Variants in CARD8 observed in about 807,000 individuals in gnomAD.
CARD8 encodes caspase recruitment domain family member 8, also known as caspase recruitment domain-containing protein 8.
CARD8 carries 38 observed loss-of-function variants against 53.2 expected under a neutral mutation model. The observed-to-expected ratio is 0.71, with a 90% CI of 0.55 to 0.94. The LOEUF (loss-of-function observed/expected upper bound fraction) is 0.94. Ranked by LOEUF, CARD8 falls within the 40% of genes least tolerant of loss-of-function variation. The probability of loss-of-function intolerance (pLI) is 0.00; values close to 1 mark genes in which losing one functional copy is unlikely to be tolerated. For missense variants in CARD8, 561 were observed against 655.5 expected (o/e 0.86, Z 1.57); for synonymous variants, 245 against 244.9 (o/e 1.00, Z 0.00).
intron 5 of CARD8, 39 bp downstream of exon 5, chr19:48,238,344 A>C: frequency 1.3e-6 from 2 of 1,527,770 alleles, no homozygotes; most frequent in Non-Finnish European, 1.7e-6. Flanking sequence ...GCAAAATTCC[A>C]AATCTTTAAT....
rs967043185 is a variant in CARD8 at position 48,238,475 on chromosome 19, T to C, written c.117A>G (p.Ser39=). 3 of 1,536,430 alleles carry C rather than the reference T, an allele frequency of 2.0e-6. No individual in the cohort carries two copies. Among genetic ancestry groups the C allele is most frequent in the Non-Finnish European group, 1.7e-6 (2 of 1,146,978 alleles). ...DASKLIRLQG[S]RKLLVDNSIR... is the part of the protein sequence containing the mutation. Reference sequence around the variant, plus strand: ...TGCTATTGTCAACCAACAGTTTCCGTGATCCTTGTAGTCTAATGAGTTTGG... The same window carrying C: ...TGCTATTGTCAACCAACAGTTTCCGCGATCCTTGTAGTCTAATGAGTTTGG... Residue 39 remains serine (S), a synonymous_variant, in exon 5 of 14, where the codon TCA becomes TCG. Transcript: ENST00000651546.
intron 6 of CARD8, chr19:48,233,113 T>C: frequency 2.8e-6 from 1 of 353,936 alleles, no homozygotes; most frequent in South Asian, 2.2e-5. Context: ...ACAGCCCACA[T>C]CAATTGAATC....
chr19:48,223,769 T>G (rs1216751291), intron 10 of CARD8: 1 of 451,166 alleles, frequency 2.2e-6, no homozygotes, highest in South Asian at 1.6e-5. Context: ...TCTTATCATA[T>G]GCACATATAT....
At chr19:48,247,095 G>A (rs1424498023) in intron 3 of CARD8, among the ~76,000 whole-genome samples, 2 of 148,918 alleles carry the variant, frequency 1.3e-5, no homozygotes, top group Non-Finnish European at 1.5e-5. Flanking sequence ...AGGCCAAGCC[G>A]GGTAGATCAC....
Position 48,218,906 on chromosome 19 carries a change from T to A in CARD8, c.1268A>T (p.His423Leu). Residue 423 changes from histidine to leucine, a missense_variant, in exon 12 of 14, where the codon CAT becomes CTT. Transcript: ENST00000651546. ...CTCAGTATCCCACACCAAAGTCCCA[T>A]GTCTTTTTTCAGTAATCTCAAGTTG... ...PIQLEITEKR[H>L]GTLVWDTEVK... The A allele has an allele frequency of 6.2e-7, 1 of 1,614,182 alleles. No individual in the cohort carries two copies. Among genetic ancestry groups the A allele is most frequent in the Non-Finnish European group, 8.5e-7 (1 of 1,180,014 alleles).
At chr19:48,215,419 G>C (rs1460127745) in intron 12 of CARD8, 35 bp from the exon 13 acceptor site, 5 of 1,440,680 alleles carry the variant, frequency 3.5e-6, no homozygotes, top group South Asian at 2.3e-5. Context: ...GATGAGATGA[G>C]ATAAATCATG....
intron 6 of CARD8, chr19:48,233,442 T>C: frequency 2.2e-6 from 1 of 455,956 alleles, no homozygotes; most frequent in Non-Finnish European, 4.4e-6. Flanking sequence ...TTTACAGCGC[T>C]TTTCTCGGAA....
chr19:48,254,094 T>C (rs1029512906), intron 1 of CARD8, among the ~76,000 whole-genome samples: 1 of 152,202 alleles, frequency 6.6e-6, no homozygotes, highest in Non-Finnish European at 1.5e-5. Context: ...TGAATATATG[T>C]ACAATGAGTT....
intron 3 of CARD8, among the ~76,000 whole-genome samples, chr19:48,242,094 C>T (rs149265730): frequency 1.8e-3 from 266 of 151,954 alleles, no homozygotes; most frequent in African/African-American, 2.0e-3. Context: ...TGTTATGGAC[C>T]GAATGTATGT....
chr19:48,228,195 A>G (rs899844877), intron 10 of CARD8, among the ~76,000 whole-genome samples: 1 of 152,242 alleles, frequency 6.6e-6, no homozygotes, highest in African/African-American at 2.4e-5. Context: ...CAGAAAAAGA[A>G]GCTCAGGGCT....
intron 10 of CARD8, among the ~76,000 whole-genome samples, chr19:48,227,094 A>C (rs1295204186): frequency 1.3e-5 from 2 of 151,892 alleles, no homozygotes; most frequent in Non-Finnish European, 2.9e-5. Flanking sequence ...TCTCAAAAAA[A>C]AAAAAAAAGA....
chr19:48,251,454 C>G (rs1175712858), intron 1 of CARD8, among the ~76,000 whole-genome samples: 2 of 152,160 alleles, frequency 1.3e-5, no homozygotes, highest in Non-Finnish European at 2.9e-5. Flanking sequence ...TTCCCTCTTT[C>G]ATTTTCCTCT....
At chr19:48,223,621 T>G (rs142581932) in intron 10 of CARD8, 2 of 291,262 alleles carry the variant, frequency 6.9e-6, no homozygotes, top group Non-Finnish European at 1.4e-5. Flanking sequence ...AATTAAATTA[T>G]AGTAATAACA....
At chr19:48,223,724 GATTA>G in intron 10 of CARD8, 2 of 401,902 alleles carry the variant, frequency 5.0e-6, no homozygotes, top group Non-Finnish European at 9.9e-6. Flanking sequence ...CATACCACTG[GATTA>G]ATTTTCTTAA....
intron 12 of CARD8, among the ~76,000 whole-genome samples, chr19:48,216,203 G>A (rs757558435): frequency 1.1e-4 from 16 of 151,452 alleles, no homozygotes; most frequent in African/African-American, 3.4e-4. Context: ...AGTAAACAAT[G>A]TAAAAATATT....
At chr19:48,207,333 T>C (rs11083924), downstream of CARD8, among the ~76,000 whole-genome samples, 47,580 of 151,942 alleles carry the variant, frequency 0.31, 7,794 homozygotes, top group East Asian at 0.52. Context: ...GTAGTATACA[T>C]ACCTTTAACT....
intron 3 of CARD8, among the ~76,000 whole-genome samples, chr19:48,248,657 C>T (rs1600722778): frequency 1.3e-5 from 2 of 152,138 alleles, no homozygotes; most frequent in Admixed American, 6.5e-5. Flanking sequence ...AAAACACAGC[C>T]GCTTTGGAGA....
chr19:48,221,915 A>AT (rs1193728011), intron 10 of CARD8, 60 bp from the exon 11 acceptor site: 4 of 1,440,098 alleles, frequency 2.8e-6, no homozygotes, highest in Non-Finnish European at 3.8e-6. Context: ...AAGTAGTGGC[A>AT]TAAAAAGTTA....
intron 5 of CARD8, among the ~76,000 whole-genome samples, chr19:48,235,410 G>A (rs576044593): frequency 2.0e-5 from 3 of 152,162 alleles, no homozygotes; most frequent in Admixed American, 6.5e-5. Flanking sequence ...AAAGCCACAC[G>A]TGGCTCTTGC....
Sources: gnomAD v4.1 joint callset for allele counts (sites outside exome capture counted in the v4.1 genomes callset) on GRCh38, gnomAD v4.1.1 for gene constraint, MANE v1.5 for transcripts, NCBI Gene and HGNC (gene_info 2026-07-23, HGNC 2026-07-21) for gene names.